PDZRN3: variants seen among roughly 807,000 people sequenced by gnomAD.
PDZRN3 encodes the protein E3 ubiquitin-protein ligase PDZRN3.
Under a neutral mutation model 85.7 loss-of-function variants are expected in PDZRN3, and 38 were observed. The ratio of observed to expected loss-of-function variants is 0.44; its 90% confidence interval spans 0.34 to 0.58. PDZRN3 has a LOEUF of 0.58. PDZRN3 is among the 20% of genes least tolerant of loss of function. The pLI is 0.01. For missense variants in PDZRN3, 1,629 were observed against 1,506.4 expected, an observed-to-expected ratio of 1.08 and a Z score of -1.35; for synonymous variants, 759 against 638.0, an observed-to-expected ratio of 1.19 and a Z score of -2.86.
intron 3 of PDZRN3, among the ~76,000 whole-genome samples, chr3:73,467,741 C>T (rs1367270913): frequency 6.6e-6 from 1 of 152,172 alleles, no homozygotes; most frequent in Non-Finnish European, 1.5e-5. Flanking sequence ...ATTTTTATGG[C>T]TATTCCCTCT....
At chr3:73,465,704 G>A (rs899730711) in intron 3 of PDZRN3, among the ~76,000 whole-genome samples, 2 of 152,166 alleles carry the variant, frequency 1.3e-5, no homozygotes, top group Admixed American at 6.5e-5. Context: ...AATTAAGAAC[G>A]CAGTGTAAGA....
At chr3:73,475,863 T>C (rs1185450267) in intron 3 of PDZRN3, among the ~76,000 whole-genome samples, 2 of 152,208 alleles carry the variant, frequency 1.3e-5, no homozygotes, top group Admixed American at 6.5e-5. Context: ...CATCTCAGGA[T>C]ATGCAAATTA....
intron 3 of PDZRN3, chr3:73,408,213 G>C: frequency 4.3e-6 from 3 of 703,070 alleles, no homozygotes; most frequent in Non-Finnish European, 7.8e-6. Flanking sequence ...TGGAATCCTG[G>C]CTGTGGGCTT....
intron 3 of PDZRN3, among the ~76,000 whole-genome samples, chr3:73,521,392 G>A (rs1704361196): frequency 6.6e-6 from 1 of 152,138 alleles, no homozygotes; most frequent in Admixed American, 6.5e-5. Context: ...GGGTAGGCGG[G>A]CAGATGGCGC....
rs563337682 is a variant in PDZRN3 at position 73,396,807 on chromosome 3, T to C, written c.1254+4115A>G. Among the ~76,000 whole-genome samples, 12 of 152,304 alleles carry C rather than the reference T, an allele frequency of 7.9e-5. No homozygotes were observed. The East Asian group carries it at 2.1e-3, about 27-fold the overall frequency. On this transcript the variant is annotated intron_variant, in intron 5 of 9. Coordinates refer to ENST00000263666, the MANE Select transcript of PDZRN3 (RefSeq NM_015009.3). ...CAAAAGGAAAAGCCTTCTTTGGGCA[T>C]GTATTTTCTTTCTTAATTGCCTACA...
chr3:73,540,228 T>C (rs983921247), intron 3 of PDZRN3, among the ~76,000 whole-genome samples: 1 of 152,106 alleles, frequency 6.6e-6, no homozygotes, highest in African/African-American at 2.4e-5. Flanking sequence ...TTATATGTGA[T>C]TTATCTGTGA....
chr3:73,563,104 C>T (rs1377355381), intron 3 of PDZRN3, among the ~76,000 whole-genome samples: 13 of 144,820 alleles, frequency 9.0e-5, no homozygotes, highest in African/African-American at 2.6e-4. Context: ...CTGCAAGCTC[C>T]GCCTCCCAGG....
intron 3 of PDZRN3, among the ~76,000 whole-genome samples, chr3:73,592,207 G>A (rs9861861): frequency 0.57 from 87,130 of 152,020 alleles, 25,767 homozygotes; most frequent in East Asian, 0.69. Context: ...GGAAACATAT[G>A]TCCATTTCCT....
chr3:73,494,356 C>T (rs901745184), intron 3 of PDZRN3, among the ~76,000 whole-genome samples: 4 of 152,208 alleles, frequency 2.6e-5, no homozygotes, highest in African/African-American at 9.7e-5. Flanking sequence ...ATGTCCAAAT[C>T]TAACCATTCC....
intron 3 of PDZRN3, among the ~76,000 whole-genome samples, chr3:73,446,650 G>A (rs776821437): frequency 7.2e-5 from 11 of 152,078 alleles, no homozygotes; most frequent in East Asian, 1.9e-4. Context: ...AGTTGCTGGC[G>A]GGGACAGAGA....
At position 73,382,931 on chromosome 3, in the gene PDZRN3, C is replaced by T. The variant is rs1225577088; in HGVS notation, c.*434G>A. ...CACGCATATGAAACACATTCAGTAA[C>T]GTACCATTATAAAATAGGGTTCCAT... On this transcript the variant is annotated 3_prime_UTR_variant, in exon 10 of 10. Transcript: ENST00000263666. 1 of 161,548 alleles carries T rather than the reference C, an allele frequency of 6.2e-6. No homozygotes were observed. The highest frequency in any genetic ancestry group is 2.4e-5 in the African/African-American group (1 of 41,456). The allele number at this position is 161,548 out of a possible 1,614,324, so 10.0% of individuals were successfully genotyped here. A position where few individuals can be genotyped will look rare whatever the true frequency, so the allele number is the denominator to read the frequency against.
chr3:73,423,041 C>T (rs975312451), intron 3 of PDZRN3, among the ~76,000 whole-genome samples: 2 of 152,182 alleles, frequency 1.3e-5, no homozygotes, highest in Non-Finnish European at 2.9e-5. Flanking sequence ...ACAGTATGTG[C>T]ATTACAAGTT....
At chr3:73,556,048 C>G (rs1474125201) in intron 3 of PDZRN3, among the ~76,000 whole-genome samples, 1 of 152,166 alleles carries the variant, frequency 6.6e-6, no homozygotes, top group Non-Finnish European at 1.5e-5. Context: ...TCCCAATTTT[C>G]TTTCCTCAAT....
intron 3 of PDZRN3, among the ~76,000 whole-genome samples, chr3:73,536,417 C>A (rs563967145): frequency 1.3e-5 from 2 of 152,322 alleles, no homozygotes; most frequent in African/African-American, 4.8e-5. Context: ...CCCACCCTGA[C>A]AACCCAGGCA....
rs537283537 is a variant in PDZRN3, at chr3:73,563,050, G to A, written c.918+39304C>T. On this transcript the variant is annotated intron_variant, in intron 3 of 9. Transcript: ENST00000263666. ...TTTTTTTTTTTTGAGACAGAGTCTA[G>A]TTCAGTTGCTCAGGCTGGAGTGCTG... is the stretch of plus-strand genomic sequence containing the variant. Among the ~76,000 whole-genome samples the A allele has an allele frequency of 3.0e-3, 261 of 85,992 alleles. 5 individuals are homozygous for A. Among genetic ancestry groups the A allele is most frequent in the African/African-American group, 0.011 (246 of 21,884 alleles). The allele number at this position is 85,992 out of a possible 152,430, so 56.4% of individuals were successfully genotyped here.
intron 3 of PDZRN3, among the ~76,000 whole-genome samples, chr3:73,459,724 T>C (rs1703065579): frequency 6.6e-6 from 1 of 152,252 alleles, no homozygotes; most frequent in Admixed American, 6.5e-5. Flanking sequence ...ATGGTGTATA[T>C]GTACCACATT....
chr3:73,486,965 C>T (rs1216217365), intron 3 of PDZRN3, among the ~76,000 whole-genome samples: 1 of 152,098 alleles, frequency 6.6e-6, no homozygotes. Flanking sequence ...TGTCTTTTTG[C>T]TCCAAAGTTG....
chr3:73,392,052 A>G (rs572994134), intron 5 of PDZRN3, among the ~76,000 whole-genome samples: 1 of 152,342 alleles, frequency 6.6e-6, no homozygotes, highest in East Asian at 1.9e-4. Context: ...GGGTCTTCTT[A>G]GCGGGGAAGG....
At chr3:73,536,111 T>C (rs547059171) in intron 3 of PDZRN3, among the ~76,000 whole-genome samples, 1 of 152,358 alleles carries the variant, frequency 6.6e-6, no homozygotes, top group East Asian at 1.9e-4. Context: ...CCTTTGCTCA[T>C]GGTAATAAAT....
Sources: gnomAD v4.1 joint callset for allele counts (sites outside exome capture counted in the v4.1 genomes callset) on GRCh38, gnomAD v4.1.1 for gene constraint, MANE v1.5 for transcripts, NCBI Gene and HGNC (gene_info 2026-07-23, HGNC 2026-07-21) for gene names.